CTNNA2: variants seen among roughly 807,000 people sequenced by gnomAD.
CTNNA2 encodes the protein catenin alpha-2.
A neutral mutation model predicts 101.0 loss-of-function variants in CTNNA2; 42 were observed. The observed-to-expected ratio is 0.42, with a 90% CI of 0.32 to 0.54. CTNNA2 has a LOEUF of 0.54. CTNNA2 is among the 20% of genes least tolerant of loss of function. CTNNA2 has a pLI of 0.14. For synonymous variants in CTNNA2, 450 were observed against 456.4 expected (o/e 0.99, Z 0.18); for missense variants, 871 against 1,223.1 (o/e 0.71, Z 4.29).
chr2:79,536,143 A>G (rs552698873), intron 1 of CTNNA2, among the ~76,000 whole-genome samples: 36 of 152,328 alleles, frequency 2.4e-4, no homozygotes, highest in African/African-American at 8.7e-4. Context: ...GTTACCAAAA[A>G]GTCAGAGATA....
At chr2:79,670,513 A>G (rs1682764863) in intron 2 of CTNNA2, among the ~76,000 whole-genome samples, 1 of 152,216 alleles carries the variant, frequency 6.6e-6, no homozygotes, top group Non-Finnish European at 1.5e-5. Flanking sequence ...TGCAGCCAGC[A>G]TGATGGCAGC....
At chr2:79,817,708 A>T (rs536440712) in intron 3 of CTNNA2, among the ~76,000 whole-genome samples, 1 of 152,252 alleles carries the variant, frequency 6.6e-6, no homozygotes, top group Non-Finnish European at 1.5e-5. Flanking sequence ...TGTGCCTTCA[A>T]TGTGCATTTG....
intron 7 of CTNNA2, among the ~76,000 whole-genome samples, chr2:80,123,489 C>T (rs1283471642): frequency 1.3e-5 from 2 of 151,768 alleles, no homozygotes; most frequent in African/African-American, 2.4e-5. Flanking sequence ...TGAAAGAAGG[C>T]CTGGAGACAT....
intron 1 of CTNNA2, among the ~76,000 whole-genome samples, chr2:79,542,128 T>TTAA (rs71385285): frequency 0.035 from 5,272 of 152,256 alleles, 121 homozygotes; most frequent in Non-Finnish European, 0.057. Flanking sequence ...GTAGTATATA[T>TTAA]TGTGTGAATG....
chr2:79,353,167 C>A (rs1262318009), intron 3 of CTNNA2, among the ~76,000 whole-genome samples: 3 of 152,216 alleles, frequency 2.0e-5, no homozygotes, highest in Non-Finnish European at 4.4e-5. Context: ...GCTTTAACTG[C>A]ATTCCAAATA....
chr2:79,230,910 A>G (rs6725680), intron 2 of CTNNA2, among the ~76,000 whole-genome samples: 10,741 of 152,280 alleles, frequency 0.071, 483 homozygotes, highest in Admixed American at 0.13. Flanking sequence ...TGGGGCCTAT[A>G]GCCCCTTTGT....
At chr2:79,236,202 A>G (rs1490266833) in intron 2 of CTNNA2, among the ~76,000 whole-genome samples, 1 of 152,120 alleles carries the variant, frequency 6.6e-6, no homozygotes, top group Non-Finnish European at 1.5e-5. Context: ...GTGCAATCAT[A>G]ACTCCCTGTA....
intron 2 of CTNNA2, among the ~76,000 whole-genome samples, chr2:79,679,950 A>C (rs1683444731): frequency 6.6e-6 from 1 of 152,158 alleles, no homozygotes; most frequent in Non-Finnish European, 1.5e-5. Flanking sequence ...TTCTACACTA[A>C]ATGTTACAAC....
At chr2:79,773,788 T>C (rs546734158) in intron 3 of CTNNA2, among the ~76,000 whole-genome samples, 1 of 152,314 alleles carries the variant, frequency 6.6e-6, no homozygotes, top group South Asian at 2.1e-4. Flanking sequence ...CTTTCTGATA[T>C]GTGCCAAACT....
At chr2:79,197,833 G>GTGCAACCTCAGCTCAC (rs1338510012) in intron 1 of CTNNA2, 1 of 152,320 alleles carries the variant, frequency 6.6e-6, no homozygotes, top group Non-Finnish European at 1.5e-5. Flanking sequence ...GAGTGTAGTG[G>GTGCAACCTCAGCTCAC]TGCAACCTCA....
At chr2:80,396,765 A>G (rs1161865651) in intron 8 of CTNNA2, among the ~76,000 whole-genome samples, 1 of 152,212 alleles carries the variant, frequency 6.6e-6, no homozygotes, top group African/African-American at 2.4e-5. Context: ...TATCTATGAC[A>G]TTGCAATGTT....
At chr2:79,658,777 A>T (rs574784987) in intron 2 of CTNNA2, among the ~76,000 whole-genome samples, 11 of 152,046 alleles carry the variant, frequency 7.2e-5, no homozygotes, top group Non-Finnish European at 1.6e-4. Flanking sequence ...GTTCTAAAGT[A>T]GCCAAATAGG....
intron 1 of CTNNA2, among the ~76,000 whole-genome samples, chr2:79,614,410 A>G (rs2104229513): frequency 6.6e-6 from 1 of 152,258 alleles, no homozygotes; most frequent in South Asian, 2.1e-4. Context: ...AATACCTGCA[A>G]TAATTTTTCC....
intron 2 of CTNNA2, among the ~76,000 whole-genome samples, chr2:79,213,656 T>C (rs926409508): frequency 6.6e-6 from 1 of 152,098 alleles, no homozygotes; most frequent in African/African-American, 2.4e-5. Context: ...ATTGGGTGAA[T>C]GTCAGGTGGA....
rs1573041644 is a variant in CTNNA2 at position 80,497,342 on chromosome 2, A to G, written c.1291-47640A>G. 2.0e-5 allele frequency among the ~76,000 whole-genome samples: 3 copies of G among 152,308 alleles called. No homozygotes were observed. In the South Asian group the frequency reaches 6.2e-4, roughly 32 times the overall value. On this transcript the variant is annotated intron_variant, in intron 9 of 18. Transcript: ENST00000402739. Reference sequence around the variant, plus strand: ...TGGCTAGTGCAAGGGAAAGAAATGTACCCATGCCTGGGTTAGAAAGGCAAG... The same window carrying G: ...TGGCTAGTGCAAGGGAAAGAAATGTGCCCATGCCTGGGTTAGAAAGGCAAG...
chr2:79,861,294 T>G (rs1471505646), intron 4 of CTNNA2, among the ~76,000 whole-genome samples: 1 of 152,234 alleles, frequency 6.6e-6, no homozygotes, highest in Non-Finnish European at 1.5e-5. Context: ...AAATTTTATT[T>G]GTGTTCTTTC....
At chr2:80,587,669 A>G (rs216627) in intron 14 of CTNNA2, among the ~76,000 whole-genome samples, 82,376 of 151,904 alleles carry the variant, frequency 0.54, 22,817 homozygotes, top group East Asian at 0.65. Context: ...AAATTTATTC[A>G]CTCACACAGG....
chr2:80,365,048 C>T (rs1674791623), intron 7 of CTNNA2, among the ~76,000 whole-genome samples: 1 of 152,124 alleles, frequency 6.6e-6, no homozygotes, highest in Non-Finnish European at 1.5e-5. Context: ...AACATCACTT[C>T]TTTCTTTTTA....
chr2:79,754,103 G>A (rs1192031907), intron 3 of CTNNA2, among the ~76,000 whole-genome samples: 3 of 152,016 alleles, frequency 2.0e-5, no homozygotes, highest in Non-Finnish European at 4.4e-5. Flanking sequence ...TCCTGATCTT[G>A]TGATCTGCCC....
Sources: allele counts gnomAD v4.1 joint callset (sites outside exome capture counted in the v4.1 genomes callset), GRCh38; gene constraint gnomAD v4.1.1; transcripts MANE v1.5; gene names NCBI Gene and HGNC (gene_info 2026-07-23, HGNC 2026-07-21).